FAAH2: variants seen among roughly 807,000 people sequenced by gnomAD.
FAAH2 encodes fatty-acid amide hydrolase 2.
FAAH2 carries 60 observed loss-of-function variants against 36.9 expected under a neutral mutation model. The observed-to-expected ratio is 1.63, with a 90% CI of 1.32 to 2.02. The LOEUF (loss-of-function observed/expected upper bound fraction) is 2.02, where lower values mean the gene tolerates loss of function less well. Ranked by LOEUF, FAAH2 falls within the 30% of genes most tolerant of loss-of-function variation. The pLI is 0.00. For synonymous variants in FAAH2, 214 were observed against 143.8 expected (o/e 1.49, Z -3.49); for missense variants, 689 against 397.5 (o/e 1.73, Z -6.23).
intron 7 of FAAH2, among the ~76,000 whole-genome samples, chrX:57,396,456 G>A (rs1175043550): frequency 9.3e-6 from 1 of 107,575 alleles, no homozygotes; most frequent in Admixed American, 1.0e-4. Context: ...CTCTCTTTTG[G>A]ATGAAGGCAT....
chrX:57,309,606 C>G (rs1456217734), intron 2 of FAAH2, among the ~76,000 whole-genome samples: 2 of 111,462 alleles, frequency 1.8e-5, no homozygotes, highest in Non-Finnish European at 3.8e-5. Flanking sequence ...TTATCTGATG[C>G]TCTTTCCACC....
intron 5 of FAAH2, among the ~76,000 whole-genome samples, chrX:57,355,302 C>A (rs942459174): frequency 1.8e-5 from 2 of 110,260 alleles, no homozygotes; most frequent in African/African-American, 6.5e-5. Flanking sequence ...TGAAATTAGT[C>A]TATTTTTCTA....
chrX:57,212,111 G>A, the FAAH2 span, among the ~76,000 whole-genome samples: 1 of 111,511 alleles, frequency 9.0e-6, no homozygotes, highest in South Asian at 3.8e-4. Flanking sequence ...GGCAACAGTA[G>A]TCTCAGCAAC....
At chrX:57,256,753 C>G in the FAAH2 span, among the ~76,000 whole-genome samples, 1 of 112,043 alleles carries the variant, frequency 8.9e-6, no homozygotes, top group Non-Finnish European at 1.9e-5. Flanking sequence ...TCAGAGTGAA[C>G]AGGCAACCTA....
At chrX:57,309,362 A>G (rs1020832597) in intron 2 of FAAH2, among the ~76,000 whole-genome samples, 1 of 112,398 alleles carries the variant, frequency 8.9e-6, no homozygotes, top group Non-Finnish European at 1.9e-5. Context: ...TTATACTAGG[A>G]ATATACTGCT....
chrX:57,227,207 G>C, the FAAH2 span, among the ~76,000 whole-genome samples: 2 of 110,644 alleles, frequency 1.8e-5, no homozygotes, highest in Non-Finnish European at 3.8e-5. Flanking sequence ...CTCGGGTCGG[G>C]GGGTGTTGAG....
At chrX:57,480,133 C>T (rs992394116) in intron 10 of FAAH2, among the ~76,000 whole-genome samples, 8 of 110,963 alleles carry the variant, frequency 7.2e-5, no homozygotes, top group Non-Finnish European at 1.1e-4. Context: ...GCTTACCAAC[C>T]AAAAAGAGTC....
chrX:57,450,614 TC>T (rs2056766292), intron 10 of FAAH2, among the ~76,000 whole-genome samples: 1 of 111,530 alleles, frequency 9.0e-6, no homozygotes, highest in Admixed American at 9.6e-5. Flanking sequence ...TATTCCTGGT[TC>T]TTTTTTTTCC....
At chrX:57,196,778 A>G in the FAAH2 span, among the ~76,000 whole-genome samples, 1 of 111,222 alleles carries the variant, frequency 9.0e-6, no homozygotes, top group African/African-American at 3.3e-5. Flanking sequence ...AAATTTGGGT[A>G]CCTGATGCTG....
chrX:57,454,505 CA>C (rs2056835586), intron 10 of FAAH2, among the ~76,000 whole-genome samples: 1 of 111,982 alleles, frequency 8.9e-6, no homozygotes, highest in Non-Finnish European at 1.9e-5. Context: ...AGCTGGATGA[CA>C]AGGAAGCTCA....
At chrX:57,260,988 C>T in the FAAH2 span, among the ~76,000 whole-genome samples, 3 of 111,677 alleles carry the variant, frequency 2.7e-5, no homozygotes, top group Non-Finnish European at 5.6e-5. Context: ...ATTTTAGTAG[C>T]TATGTACAAA....
chrX:57,281,576 T>C, the FAAH2 span, among the ~76,000 whole-genome samples: 1 of 112,079 alleles, frequency 8.9e-6, no homozygotes, highest in Non-Finnish European at 1.9e-5. Context: ...TTTTTAAATG[T>C]TTATTTTAGG....
At chrX:57,423,370 C>A (rs1318528088) in intron 7 of FAAH2, among the ~76,000 whole-genome samples, 5 of 111,369 alleles carry the variant, frequency 4.5e-5, no homozygotes, top group African/African-American at 1.6e-4. Context: ...GAGCTCTTCC[C>A]TTGGCAGGAC....
intron 10 of FAAH2, among the ~76,000 whole-genome samples, chrX:57,463,641 A>G (rs1160585700): frequency 1.8e-5 from 2 of 111,851 alleles, no homozygotes; most frequent in African/African-American, 6.5e-5. Context: ...CTGGCCAACA[A>G]ACATGAAAAA....
At chrX:57,446,056 C>A (rs768610224) in intron 8 of FAAH2, among the ~76,000 whole-genome samples, 59 of 112,308 alleles carry the variant, frequency 5.3e-4, no homozygotes, top group African/African-American at 1.8e-3. Context: ...TGCTTTGGTG[C>A]TAGCATAATT....
At chrX:57,339,405 T>C (rs1009146437) in intron 4 of FAAH2, among the ~76,000 whole-genome samples, 4 of 111,956 alleles carry the variant, frequency 3.6e-5, no homozygotes, top group African/African-American at 1.3e-4. Context: ...AAAGCAAAAA[T>C]TGACCAATGG....
intron 2 of FAAH2, among the ~76,000 whole-genome samples, chrX:57,305,687 T>A (rs1443977913): frequency 8.9e-6 from 1 of 111,815 alleles, no homozygotes; most frequent in Admixed American, 9.6e-5. Context: ...CTGGCATACC[T>A]TAGTTTTTCA....
intron 10 of FAAH2, among the ~76,000 whole-genome samples, chrX:57,478,119 T>A (rs925652455): frequency 2.7e-5 from 3 of 111,884 alleles, no homozygotes; most frequent in Non-Finnish European, 5.6e-5. Flanking sequence ...TGTGAAAGTG[T>A]TCCTATTTCC....
At chrX:57,373,737 C>T (rs2054606182) in intron 5 of FAAH2, among the ~76,000 whole-genome samples, 1 of 111,329 alleles carries the variant, frequency 9.0e-6, no homozygotes, top group Admixed American at 9.6e-5. Context: ...AGTCTCACCT[C>T]TTTATCTTTG....
Sources: allele counts gnomAD v4.1 joint callset (sites outside exome capture counted in the v4.1 genomes callset), GRCh38; gene constraint gnomAD v4.1.1; transcripts MANE v1.5; gene names NCBI Gene and HGNC (gene_info 2026-07-23, HGNC 2026-07-21).